Variants in CPO observed in about 807,000 individuals in gnomAD.
CPO encodes the protein carboxypeptidase O.
In CPO, 43 loss-of-function variants were observed where a neutral mutation model predicts 41.2. The ratio of observed to expected loss-of-function variants is 1.04; its 90% CI spans 0.82 to 1.35. The LOEUF (loss-of-function observed/expected upper bound fraction) is 1.35, where lower values mean the gene tolerates loss of function less well. Among genes scored for constraint, CPO ranks in the 40% most tolerant of loss-of-function variants. The probability of loss-of-function intolerance (pLI) is 0.00; values close to 1 mark genes in which losing one functional copy is unlikely to be tolerated. For missense variants in CPO, 408 were observed against 451.7 expected (o/e 0.90, Z 0.88); for synonymous variants, 178 against 162.7 (o/e 1.09, Z -0.72).
intron 1 of CPO, among the ~76,000 whole-genome samples, chr2:206,943,702 AGATAGATAGATAGATG>A (rs143082049): frequency 0.27 from 37,608 of 141,562 alleles, 5,553 homozygotes; most frequent in Middle Eastern, 0.3. Context: ...ATAGATAGAT[AGATAGATAGATAGATG>A]ATGGATAGAT....
Position 206,962,644 on chromosome 2 carries a change from A to G in CPO, c.777+30A>G, listed in dbSNP as rs757136210. The G allele has an allele frequency of 2.6e-6, 4 of 1,565,224 alleles. No homozygotes were observed. In the South Asian group the frequency reaches 3.3e-5, roughly 13 times the overall value. ...GTCCATAGCACCAAGGCCTCCAGAA[A>G]AACCTCAGCAAGACCTCTGCCTTCC... On this transcript the variant is annotated intron_variant, in intron 7 of 8. Coordinates refer to ENST00000272852, the MANE Select transcript of CPO (RefSeq NM_173077.3).
At chr2:206,951,048 G>A (rs1693251846) in intron 2 of CPO, among the ~76,000 whole-genome samples, 1 of 151,640 alleles carries the variant, frequency 6.6e-6, no homozygotes, top group Non-Finnish European at 1.5e-5. Context: ...CCTGCATGTT[G>A]TACACATGTA....
At chr2:206,943,772 AGATAGATG>A (rs1559068535) in intron 1 of CPO, among the ~76,000 whole-genome samples, 1 of 120,628 alleles carries the variant, frequency 8.3e-6, no homozygotes, top group Non-Finnish European at 1.8e-5. Context: ...ATAGATAGAT[AGATAGATG>A]ATAAGCAGAT....
Position 206,962,502 on chromosome 2 carries a change from T to C in CPO, c.665T>C (p.Ile222Thr), listed in dbSNP as rs780483658. 1.1e-5 allele frequency: 18 copies of C among 1,614,116 alleles called. No homozygotes were observed. Among genetic ancestry groups the C allele is most frequent in the Admixed American group, 1.7e-5 (1 of 60,018 alleles). Residue 222 changes from isoleucine (I) to threonine (T), a missense_variant, in exon 7 of 9, where the codon ATA becomes ACA. Coordinates refer to ENST00000272852, the MANE Select transcript of CPO (RefSeq NM_173077.3). ...EPETKAVASF[I>T]ESKKDDILCF... ...GAGACTAAAGCTGTTGCCAGCTTCA[T>C]AGAGAGCAAGAAGGATGATATTTTG... is the stretch of plus-strand genomic sequence containing the variant.
intron 7 of CPO, 44 bp downstream of exon 7, chr2:206,962,658 C>T: frequency 6.8e-7 from 1 of 1,464,852 alleles, no homozygotes; most frequent in Admixed American, 1.7e-5. Flanking sequence ...CTCAGCAAGA[C>T]CTCTGCCTTC....
intron 7 of CPO, among the ~76,000 whole-genome samples, chr2:206,964,050 A>G (rs1693527432): frequency 6.6e-6 from 1 of 152,122 alleles, no homozygotes; most frequent in South Asian, 2.1e-4. Flanking sequence ...TTCTATGCAA[A>G]TGCTGAGAAG....
At position 206,969,230 on chromosome 2, in the gene CPO, T is replaced by C. The variant is rs1299396120; in HGVS notation, c.919T>C (p.Tyr307His). Residue 307 changes from tyrosine (Y) to histidine (H), a missense_variant, in exon 9 of 9, where the codon TAT (tyrosine) becomes CAT (histidine). Transcript: ENST00000272852. ...WARDIGIPFS[Y>H]TFELRDSGTY... ...CCGAGACATTGGGATTCCCTTCTCA[T>C]ATACGTTTGAGCTGAGGGACAGTGG... 5.0e-6 allele frequency: 8 copies of C among 1,614,044 alleles called. No individual in the cohort carries two copies. Among genetic ancestry groups the C allele is most frequent in the Non-Finnish European group, 5.9e-6 (7 of 1,179,992 alleles).
intron 1 of CPO, among the ~76,000 whole-genome samples, chr2:206,940,649 G>C (rs1693011422): frequency 6.6e-6 from 1 of 151,726 alleles, no homozygotes; most frequent in Admixed American, 6.6e-5. Context: ...TGTGTGTATA[G>C]TTTCCATATA....
rs758216012 is a variant in CPO at position 206,962,619 on chromosome 2, G to C, written c.777+5G>C. On this transcript the variant is annotated splice_donor_5th_base_variant and intron_variant, in intron 7 of 8. Coordinates refer to ENST00000272852, the MANE Select transcript of CPO (RefSeq NM_173077.3). ...TCAAGTAACCACCCAGAAATGGTGA[G>C]TCCATAGCACCAAGGCCTCCAGAAA... is the stretch of plus-strand genomic sequence containing the variant. 5 of 1,611,638 alleles carry C rather than the reference G, an allele frequency of 3.1e-6. No individual in the cohort carries two copies. The Admixed American group carries it at 8.3e-5, about 27-fold the overall frequency.
chr2:206,964,044 A>G (rs1693527292), intron 7 of CPO, among the ~76,000 whole-genome samples: 1 of 152,168 alleles, frequency 6.6e-6, no homozygotes, highest in Non-Finnish European at 1.5e-5. Context: ...TCCTCTTTCT[A>G]TGCAAATGCT....
chr2:206,943,674 T>TGACA (rs1553510271), intron 1 of CPO, among the ~76,000 whole-genome samples: 1 of 106,536 alleles, frequency 9.4e-6, no homozygotes, highest in Admixed American at 9.3e-5. Context: ...GATAGATAGA[T>TGACA]GATAGATAGA....
chr2:206,950,679 T>C (rs962389186), intron 2 of CPO, among the ~76,000 whole-genome samples: 2 of 152,180 alleles, frequency 1.3e-5, no homozygotes, highest in African/African-American at 4.8e-5. Flanking sequence ...ACCAACCAAA[T>C]GTCCATCAAT....
intron 1 of CPO, among the ~76,000 whole-genome samples, chr2:206,943,512 T>C (rs929951681): frequency 3.3e-5 from 5 of 152,202 alleles, no homozygotes; most frequent in African/African-American, 1.2e-4. Context: ...TTGGACGATT[T>C]TTTAGCCCCT....
chr2:206,941,263 T>A (rs1162130079), intron 1 of CPO, among the ~76,000 whole-genome samples: 1 of 151,938 alleles, frequency 6.6e-6, no homozygotes, highest in Non-Finnish European at 1.5e-5. Flanking sequence ...TGCTGATATG[T>A]GATATAGGAC....
chr2:206,940,873 T>C (rs745577285), intron 1 of CPO, among the ~76,000 whole-genome samples: 1 of 152,168 alleles, frequency 6.6e-6, no homozygotes, highest in Non-Finnish European at 1.5e-5. Flanking sequence ...TTCAGTTCAA[T>C]TTCAGATACT....
intron 1 of CPO, among the ~76,000 whole-genome samples, chr2:206,944,739 A>C (rs929619745): frequency 6.6e-6 from 1 of 152,048 alleles, no homozygotes; most frequent in Non-Finnish European, 1.5e-5. Context: ...AACAATTAAT[A>C]ATAATAAATC....
intron 1 of CPO, among the ~76,000 whole-genome samples, chr2:206,946,207 T>C (rs959506903): frequency 3.1e-4 from 47 of 152,106 alleles, no homozygotes; most frequent in Admixed American, 9.8e-4. Flanking sequence ...ATATCTCTCA[T>C]GAACACAGAT....
chr2:206,957,163 A>G (rs753604643), intron 3 of CPO, among the ~76,000 whole-genome samples: 8 of 152,080 alleles, frequency 5.3e-5, no homozygotes, highest in Non-Finnish European at 1.2e-4. Context: ...GGAACACGAG[A>G]TCAGGAGATC....
At chr2:206,948,866 C>T (rs1693197465) in intron 1 of CPO, among the ~76,000 whole-genome samples, 1 of 152,116 alleles carries the variant, frequency 6.6e-6, no homozygotes, top group Non-Finnish European at 1.5e-5. Flanking sequence ...CTAATATAAA[C>T]AATGGACTTT....
Sources: gnomAD v4.1 joint callset for allele counts (sites outside exome capture counted in the v4.1 genomes callset) on GRCh38, gnomAD v4.1.1 for gene constraint, MANE v1.5 for transcripts, NCBI Gene and HGNC (gene_info 2026-07-23, HGNC 2026-07-21) for gene names.